DNAJC8: variants seen among roughly 807,000 people sequenced by gnomAD.
DNAJC8 encodes the protein DnaJ heat shock protein family (Hsp40) member C8, also known as dnaJ homolog subfamily C member 8.
A neutral mutation model predicts 43.2 loss-of-function variants in DNAJC8; 24 were observed. That is an observed-to-expected ratio of 0.56 (90% confidence interval 0.40 to 0.78). The LOEUF is 0.78. DNAJC8 is among the 30% of genes least tolerant of loss of function. The pLI is 0.00. For synonymous variants in DNAJC8, 83 were observed against 98.0 expected (o/e 0.85, Z 0.90); for missense variants, 207 against 299.4 (o/e 0.69, Z 2.28).
At chr1:28,201,672 C>A (rs1171032472) in intron 8 of DNAJC8, among the ~76,000 whole-genome samples, 2 of 151,642 alleles carry the variant, frequency 1.3e-5, no homozygotes, top group Admixed American at 6.6e-5. Flanking sequence ...GCCTGTAATC[C>A]CAGCTACTCG....
At chr1:28,209,315 C>T (rs1646793410) in intron 5 of DNAJC8, among the ~76,000 whole-genome samples, 2 of 152,128 alleles carry the variant, frequency 1.3e-5, no homozygotes, top group Non-Finnish European at 2.9e-5. Context: ...GAAAAGTCAT[C>T]CAATCACAAT....
At chr1:28,203,696 C>T in intron 8 of DNAJC8, 51 bp downstream of exon 8, 1 of 1,592,214 alleles carries the variant, frequency 6.3e-7, no homozygotes, top group Non-Finnish European at 8.6e-7. Context: ...GCCACAGGAA[C>T]CAAGCTGCCT....
At position 28,229,079 on chromosome 1, in the gene DNAJC8, A is replaced by G. The variant is rs938305818; in HGVS notation, c.79-56T>C. 5.0e-6 allele frequency: 7 copies of G among 1,412,224 alleles called. No homozygotes were observed. The African/African-American group carries it at 9.9e-5, about 20-fold the overall frequency. The allele number at this position is 1,412,224 out of a possible 1,614,324, so 87.5% of individuals were successfully genotyped here. The stretch of plus-strand genomic sequence containing the variant: ...ATAGAATTCAATAACAAACTGAATT[A>G]TCTTAACAAAATGTTCACTGATATG... On this transcript the variant is annotated intron_variant, in intron 1 of 8. Transcript: ENST00000263697.
intron 3 of DNAJC8, 40 bp downstream of exon 3, chr1:28,214,900 T>C (rs778652978): frequency 1.9e-6 from 3 of 1,542,104 alleles, no homozygotes; most frequent in Non-Finnish European, 2.6e-6. Flanking sequence ...ATGTGCTTCA[T>C]ACATTTTCAA....
chr1:28,205,203 A>G (rs1329364568), intron 7 of DNAJC8, 55 bp downstream of exon 7: 1 of 1,337,484 alleles, frequency 7.5e-7, no homozygotes, highest in Non-Finnish European at 1.1e-6. Context: ...CCAAAGACCA[A>G]TGTTAGTTAA....
At chr1:28,212,216 A>T (rs2989478) in intron 3 of DNAJC8, among the ~76,000 whole-genome samples, 766 of 70,812 alleles carry the variant, frequency 0.011, 14 homozygotes, top group African/African-American at 0.021. Context: ...TATATATATA[A>T]ATGAAATTAA....
In DNAJC8 at chr1:28,200,380, C is replaced by T. The variant is rs952111263; in HGVS notation, c.*868G>A. 9 of 426,140 alleles carry T rather than the reference C, an allele frequency of 2.1e-5. No homozygotes were observed. The highest frequency in any genetic ancestry group is 2.8e-5 in the Non-Finnish European group (6 of 213,298). The allele number at this position is 426,140 out of a possible 1,614,324, so 26.4% of individuals were successfully genotyped here. On this transcript the variant is annotated 3_prime_UTR_variant, in exon 9 of 9. Transcript: ENST00000263697. ...ACCCAAGGAGCACTATGGTAGTTAC[C>T]TTGTATATGCCATGGCAAATCTGCC...
chr1:28,203,465 A>G (rs972978567), intron 8 of DNAJC8, among the ~76,000 whole-genome samples: 2 of 152,214 alleles, frequency 1.3e-5, no homozygotes, highest in African/African-American at 4.8e-5. Flanking sequence ...ACTACAATCT[A>G]AAAAACCATT....
chr1:28,201,804 GAAAAGAAA>G (rs1295269401), intron 8 of DNAJC8, among the ~76,000 whole-genome samples: 4 of 130,760 alleles, frequency 3.1e-5, no homozygotes, highest in Non-Finnish European at 4.9e-5. Context: ...AAAAAAAAAA[GAAAAGAAA>G]AAAAGAAAAA....
Position 28,203,781 on chromosome 1 carries a change from G to A in DNAJC8, c.605C>T (p.Ala202Val), listed in dbSNP as rs763288183. The change falls in exon 8 of 9, where the codon GCC becomes GTC. Residue 202 changes from alanine (A) to valine (V), a missense_variant. Transcript: ENST00000263697. ...REEEIEAQEKAKREREWQKNF... is the reference protein window; with the variant it reads ...REEEIEAQEKVKREREWQKNF... ...TTTCTGCCACTCTCTTTCCCGTTTGGCTTTTTCTTGAGCTTCAATCTCTTC... is the reference window on the plus strand; with the variant it reads ...TTTCTGCCACTCTCTTTCCCGTTTGACTTTTTCTTGAGCTTCAATCTCTTC... 2.5e-6 allele frequency: 4 copies of A among 1,614,036 alleles called. No individual in the cohort carries two copies. Among genetic ancestry groups the A allele is most frequent in the Non-Finnish European group, 3.4e-6 (4 of 1,180,038 alleles).
At chr1:28,220,610 C>T (rs1646891958) in intron 2 of DNAJC8, among the ~76,000 whole-genome samples, 1 of 152,232 alleles carries the variant, frequency 6.6e-6, no homozygotes, top group Middle Eastern at 3.4e-3. Flanking sequence ...GGACATTAAT[C>T]CAATTGTGAG....
chr1:28,218,405 C>A (rs1297424502), intron 2 of DNAJC8, among the ~76,000 whole-genome samples: 1 of 151,508 alleles, frequency 6.6e-6, no homozygotes, highest in African/African-American at 2.4e-5. Context: ...TTAAGCAACA[C>A]TTCTTTAAAC....
intron 2 of DNAJC8, among the ~76,000 whole-genome samples, chr1:28,221,363 CAAAG>C (rs755742477): frequency 2.0e-5 from 3 of 150,062 alleles, no homozygotes; most frequent in African/African-American, 7.5e-5. Flanking sequence ...GAGAAAGAAA[CAAAG>C]AAAGAAAGAA....
intron 7 of DNAJC8, 54 bp downstream of exon 7, chr1:28,205,204 T>C (rs1646760486): frequency 7.5e-7 from 1 of 1,326,682 alleles, no homozygotes; most frequent in East Asian, 2.3e-5. Flanking sequence ...CAAAGACCAA[T>C]GTTAGTTAAT....
chr1:28,212,517 A>T (rs1646822221), intron 3 of DNAJC8, among the ~76,000 whole-genome samples: 1 of 151,696 alleles, frequency 6.6e-6, no homozygotes, highest in Non-Finnish European at 1.5e-5. Context: ...CCTGAGCTCA[A>T]GCAATCTGCC....
Position 28,225,076 on chromosome 1 carries a change from T to C in DNAJC8, c.180+3846A>G, listed in dbSNP as rs956478546. 2.6e-5 allele frequency among the ~76,000 whole-genome samples: 4 copies of C among 151,260 alleles called. 1 individual carries two copies. Among genetic ancestry groups the C allele is most frequent in the African/African-American group, 4.8e-5 (2 of 41,238 alleles). On this transcript the variant is annotated intron_variant, in intron 2 of 8. Transcript: ENST00000263697. Reference sequence around the variant, plus strand: ...TTTGGGACAATTAGTAAAACCTGAATGGGGTCTGATGATTATATAGTAACA... The same window carrying C: ...TTTGGGACAATTAGTAAAACCTGAACGGGGTCTGATGATTATATAGTAACA...
chr1:28,208,099 G>C (rs1418414909), intron 6 of DNAJC8, among the ~76,000 whole-genome samples: 1 of 152,112 alleles, frequency 6.6e-6, no homozygotes, highest in African/African-American at 2.4e-5. Flanking sequence ...CCAGCTACTT[G>C]GGAGGCTGAG....
At chr1:28,210,421 C>T in intron 4 of DNAJC8, 150 bp downstream of exon 4, 1 of 664,204 alleles carries the variant, frequency 1.5e-6, no homozygotes, top group Non-Finnish European at 2.6e-6. Context: ...CAACATTCTG[C>T]TTTGAAATGG....
intron 4 of DNAJC8, 173 bp from the exon 5 acceptor site, chr1:28,210,239 G>C (rs1464315499): frequency 3.2e-6 from 2 of 625,108 alleles, no homozygotes; most frequent in Admixed American, 3.0e-5. Context: ...CTTTCCTTAA[G>C]AGCCTTGGAA....
Sources: allele counts gnomAD v4.1 joint callset (sites outside exome capture counted in the v4.1 genomes callset), GRCh38; gene constraint gnomAD v4.1.1; transcripts MANE v1.5; gene names NCBI Gene and HGNC (gene_info 2026-07-23, HGNC 2026-07-21).